BRSK2: variants seen among roughly 807,000 people sequenced by gnomAD.
BRSK2 encodes the protein serine/threonine-protein kinase BRSK2.
A neutral mutation model predicts 83.3 loss-of-function variants in BRSK2; 19 were observed. That is an observed-to-expected ratio of 0.23 (90% CI 0.16 to 0.33). The LOEUF is 0.33. Ranked by LOEUF, BRSK2 falls within the 10% of genes least tolerant of loss-of-function variation. The probability of loss-of-function intolerance (pLI) is 1.00; values close to 1 mark genes in which losing one functional copy is unlikely to be tolerated. For missense variants in BRSK2, 798 were observed against 1,042.3 expected (o/e 0.77, Z 3.23); for synonymous variants, 519 against 435.4 (o/e 1.19, Z -2.39).
intron 1 of BRSK2, chr11:1,411,727 C>A: frequency 6.7e-7 from 1 of 1,490,972 alleles, no homozygotes; most frequent in Non-Finnish European, 9.0e-7. Context: ...GACGGGGGAC[C>A]TCGCCAGCAC....
intron 3 of BRSK2, among the ~76,000 whole-genome samples, chr11:1,440,356 C>T (rs760360426): frequency 2.6e-5 from 4 of 152,156 alleles, no homozygotes; most frequent in East Asian, 3.9e-4. Flanking sequence ...GATGCGGCTG[C>T]GTGGTCTCCC....
intron 9 of BRSK2, 48 bp downstream of exon 9, chr11:1,445,050 G>T: frequency 2.5e-6 from 4 of 1,595,018 alleles, no homozygotes; most frequent in Non-Finnish European, 3.4e-6. Flanking sequence ...CTGTTGCTGT[G>T]GCCTGGAGGC....
At position 1,460,783 on chromosome 11, in the gene BRSK2, C is replaced by T. The variant is rs1374593682; in HGVS notation, c.*60C>T. ...AGCGGCTGCCTCGCCGCCCGCCGCC[C>T]GCCCTGCCCCGAGTGGACCCGCGGC... On this transcript the variant is annotated 3_prime_UTR_variant, in exon 20 of 20. Coordinates refer to ENST00000528841, the MANE Select transcript of BRSK2 (RefSeq NM_001256627.2). 7.9e-5 allele frequency: 113 copies of T among 1,438,450 alleles called. No homozygotes were observed. Among genetic ancestry groups the T allele is most frequent in the Non-Finnish European group, 8.9e-5 (98 of 1,104,536 alleles). The allele number at this position is 1,438,450 out of a possible 1,614,324, so 89.1% of individuals were successfully genotyped here.
At chr11:1,445,987 A>C in intron 12 of BRSK2, 80 bp downstream of exon 12, 1 of 1,472,400 alleles carries the variant, frequency 6.8e-7, no homozygotes, top group South Asian at 1.3e-5. Flanking sequence ...ATCGCTACCC[A>C]TTGGCCTGGG....
intron 14 of BRSK2, 48 bp downstream of exon 14, chr11:1,450,842 G>A: frequency 6.6e-7 from 1 of 1,518,570 alleles, no homozygotes; most frequent in Admixed American, 2.3e-5. Flanking sequence ...AGAGAGCAGA[G>A]GCTGCCTTGG....
At chr11:1,445,515 C>G (rs189307667) in intron 10 of BRSK2, 56 bp from the exon 11 acceptor site, 3 of 1,603,710 alleles carry the variant, frequency 1.9e-6, no homozygotes, top group East Asian at 4.5e-5. Context: ...AGCGCTGCCC[C>G]GGAGGAGCCG....
At chr11:1,404,933 C>G (rs1846737033) in intron 1 of BRSK2, among the ~76,000 whole-genome samples, 1 of 151,016 alleles carries the variant, frequency 6.6e-6, no homozygotes, top group South Asian at 2.1e-4. Context: ...CTCGCTGCCC[C>G]TGTGTCCTGA....
intron 1 of BRSK2, among the ~76,000 whole-genome samples, chr11:1,399,686 T>C (rs1183733406): frequency 6.6e-6 from 1 of 152,092 alleles, no homozygotes; most frequent in Non-Finnish European, 1.5e-5. Context: ...CCCGGACACA[T>C]CCCATGTCAT....
intron 19 of BRSK2, among the ~76,000 whole-genome samples, chr11:1,460,207 G>T (rs953917104): frequency 1.3e-5 from 2 of 152,118 alleles, no homozygotes; most frequent in African/African-American, 2.4e-5. Context: ...GCAACAGCTC[G>T]GAGGCGCTGG....
chr11:1,396,371 C>T (rs951814676), intron 1 of BRSK2, among the ~76,000 whole-genome samples: 1 of 152,180 alleles, frequency 6.6e-6, no homozygotes, highest in Admixed American at 6.5e-5. Context: ...TTGCTCGGAC[C>T]GGCTCCCGGA....
At chr11:1,407,838 C>A (rs374632952) in intron 1 of BRSK2, among the ~76,000 whole-genome samples, 2 of 152,218 alleles carry the variant, frequency 1.3e-5, no homozygotes, top group Non-Finnish European at 2.9e-5. Context: ...GAGTGTGGGG[C>A]GGGCCCGGCA....
chr11:1,455,385 G>A (rs989077204), intron 16 of BRSK2, among the ~76,000 whole-genome samples: 2 of 147,836 alleles, frequency 1.4e-5, no homozygotes, highest in Admixed American at 6.7e-5. Context: ...CTGCCCGGGC[G>A]CCCTCCCTGG....
At chr11:1,429,193 G>A (rs1849639090) in intron 1 of BRSK2, among the ~76,000 whole-genome samples, 2 of 151,170 alleles carry the variant, frequency 1.3e-5, no homozygotes, top group Non-Finnish European at 3.0e-5. Flanking sequence ...ATGCGCGTGT[G>A]CATGGGTGTG....
intron 1 of BRSK2, among the ~76,000 whole-genome samples, chr11:1,413,838 G>A (rs1424628384): frequency 1.3e-5 from 2 of 152,190 alleles, no homozygotes; most frequent in Admixed American, 6.5e-5. Context: ...CAGCCCCAGG[G>A]GCTGGAGCTC....
At chr11:1,396,240 G>A (rs370147659) in intron 1 of BRSK2, among the ~76,000 whole-genome samples, 3 of 121,202 alleles carry the variant, frequency 2.5e-5, no homozygotes, top group Non-Finnish European at 3.5e-5. Context: ...TTCCACCCAC[G>A]TCCCCCACTC....
intron 5 of BRSK2, 71 bp downstream of exon 5, chr11:1,442,677 G>C: frequency 7.6e-7 from 1 of 1,312,008 alleles, no homozygotes; most frequent in Non-Finnish European, 1.1e-6. Flanking sequence ...CCAGTGGACT[G>C]AGAGGCCCCC....
intron 1 of BRSK2, among the ~76,000 whole-genome samples, chr11:1,392,075 A>C (rs1468811298): frequency 2.0e-5 from 3 of 152,180 alleles, no homozygotes; most frequent in Non-Finnish European, 4.4e-5. Context: ...GCAGAGCGCA[A>C]GCGTGTCACC....
At chr11:1,455,775 G>A (rs1029239489) in intron 16 of BRSK2, among the ~76,000 whole-genome samples, 32 of 151,656 alleles carry the variant, frequency 2.1e-4, no homozygotes, top group Admixed American at 1.9e-3. Flanking sequence ...CCAGTGAGGC[G>A]GCTGTGTGCC....
intron 8 of BRSK2, 42 bp from the exon 9 acceptor site, chr11:1,444,928 CG>C: frequency 6.3e-7 from 1 of 1,591,762 alleles, no homozygotes; most frequent in South Asian, 1.1e-5. Flanking sequence ...GGGCTCTTTC[CG>C]TCCCTCGTCC....
Sources: gnomAD v4.1 joint callset for allele counts (sites outside exome capture counted in the v4.1 genomes callset) on GRCh38, gnomAD v4.1.1 for gene constraint, MANE v1.5 for transcripts, NCBI Gene and HGNC (gene_info 2026-07-23, HGNC 2026-07-21) for gene names.